The following CLXN variants were observed in gnomAD, a reference collection of about 807,000 sequenced individuals.
CLXN encodes the protein calaxin, also known as EF-hand calcium binding domain 1.
At chr8:48,730,403 T>C in the CLXN span, 2 of 512,666 alleles carry the variant, frequency 3.9e-6, no homozygotes, top group East Asian at 6.4e-5. Context: ...TTCCATAAAA[T>C]AGGTTAGTGG....
At chr8:48,717,711 A>G in the CLXN span, among the ~76,000 whole-genome samples, 4 of 152,234 alleles carry the variant, frequency 2.6e-5, no homozygotes, top group Non-Finnish European at 2.9e-5. Flanking sequence ...AGTAAGAGAC[A>G]CACAATGTAC....
the CLXN span, among the ~76,000 whole-genome samples, chr8:48,721,944 ATTAAAC>A: frequency 6.6e-6 from 1 of 152,232 alleles, no homozygotes; most frequent in African/African-American, 2.4e-5. Flanking sequence ...GTGGGATTGA[ATTAAAC>A]TTAAAAACAA....
At chr8:48,721,601 A>C in the CLXN span, among the ~76,000 whole-genome samples, 1 of 152,228 alleles carries the variant, frequency 6.6e-6, no homozygotes, top group Non-Finnish European at 1.5e-5. Flanking sequence ...GCATAAAAAC[A>C]AACATATAGA....
At chr8:48,721,204 T>TTTG in the CLXN span, among the ~76,000 whole-genome samples, 1 of 151,824 alleles carries the variant, frequency 6.6e-6, no homozygotes, top group Non-Finnish European at 1.5e-5. Context: ...AAAAACTCAT[T>TTTG]CCTAATAGCA....
the CLXN span, chr8:48,731,202 ATCT>A: frequency 9.0e-6 from 7 of 777,242 alleles, no homozygotes; most frequent in Non-Finnish European, 9.1e-6. Context: ...CTTTTCTATG[ATCT>A]TCTCAAAATT....
the CLXN span, among the ~76,000 whole-genome samples, chr8:48,721,019 A>T: frequency 6.6e-6 from 1 of 152,220 alleles, no homozygotes; most frequent in Non-Finnish European, 1.5e-5. Context: ...ATTTTGAAAC[A>T]TCATCATCAT....
the CLXN span, chr8:48,715,892 A>T: frequency 1.3e-5 from 2 of 152,294 alleles, no homozygotes; most frequent in African/African-American, 4.8e-5. Context: ...ACCCCAAAGA[A>T]ATGGAAATCC....
At chr8:48,726,382 A>G in the CLXN span, among the ~76,000 whole-genome samples, 1 of 142,022 alleles carries the variant, frequency 7.0e-6, no homozygotes, top group Non-Finnish European at 1.5e-5. Context: ...CCATCCATCT[A>G]TTCACCTACC....
chr8:48,731,799 C>A, the CLXN span, among the ~76,000 whole-genome samples: 1 of 152,092 alleles, frequency 6.6e-6, no homozygotes, highest in African/African-American at 2.4e-5. Flanking sequence ...AGTAGAAATA[C>A]GTCTCAAAAT....
At chr8:48,723,891 T>C in the CLXN span, 1 of 152,574 alleles carries the variant, frequency 6.6e-6, no homozygotes. Flanking sequence ...GAGGGGGGCT[T>C]TGGCAACCAT....
chr8:48,734,963 G>C, the CLXN span: 1 of 1,029,762 alleles, frequency 9.7e-7, no homozygotes. Flanking sequence ...AGGGGCCGGG[G>C]TGGAGGGGCG....
chr8:48,726,563 A>G, the CLXN span, among the ~76,000 whole-genome samples: 109 of 135,046 alleles, frequency 8.1e-4, no homozygotes, highest in African/African-American at 3.1e-3. Flanking sequence ...CTACCCGCAC[A>G]TTCACCTCAC....
chr8:48,726,112 CTCCATCCATCCATCCA>C, the CLXN span, among the ~76,000 whole-genome samples: 5 of 111,600 alleles, frequency 4.5e-5, no homozygotes, highest in African/African-American at 6.5e-5. Context: ...TACCCACCCA[CTCCATCCATCCATCCA>C]TCCATCCATC....
chr8:48,725,265 A>C, the CLXN span, among the ~76,000 whole-genome samples: 1 of 152,120 alleles, frequency 6.6e-6, no homozygotes, highest in African/African-American at 2.4e-5. Flanking sequence ...CATTCAAGGG[A>C]TTTATTCACA....
the CLXN span, among the ~76,000 whole-genome samples, chr8:48,726,355 CTCA>C: frequency 6.7e-6 from 1 of 148,768 alleles, no homozygotes; most frequent in African/African-American, 2.5e-5. Context: ...CATCCACCCA[CTCA>C]TCATTTCATC....
chr8:48,720,294 G>C, the CLXN span, among the ~76,000 whole-genome samples: 1 of 152,256 alleles, frequency 6.6e-6, no homozygotes, highest in Non-Finnish European at 1.5e-5. Context: ...AAAAAGAGCC[G>C]TATTTTTCTT....
At chr8:48,725,278 G>A in the CLXN span, among the ~76,000 whole-genome samples, 3 of 152,198 alleles carry the variant, frequency 2.0e-5, no homozygotes, top group African/African-American at 7.2e-5. Flanking sequence ...TATTCACAAG[G>A]TGGGAGGGTG....
the CLXN span, chr8:48,735,092 A>G: frequency 6.2e-7 from 1 of 1,613,974 alleles, no homozygotes; most frequent in Non-Finnish European, 8.5e-7. Context: ...ATTCTTACTT[A>G]CAATGCTTGC....
the CLXN span, among the ~76,000 whole-genome samples, chr8:48,733,558 T>C: frequency 2.0e-5 from 3 of 152,320 alleles, no homozygotes; most frequent in South Asian, 6.2e-4. Flanking sequence ...TAAAACAAAA[T>C]TTAACTTTAG....
Sources: gnomAD v4.1 joint callset for allele counts (sites outside exome capture counted in the v4.1 genomes callset) on GRCh38, gnomAD v4.1.1 for gene constraint, MANE v1.5 for transcripts, NCBI Gene and HGNC (gene_info 2026-07-23, HGNC 2026-07-21) for gene names.